EMC4: variants seen among roughly 807,000 people sequenced by gnomAD.
The protein encoded by EMC4 is cell proliferation-inducing gene 17 protein.
In EMC4, 9 loss-of-function variants were observed where a neutral mutation model predicts 24.2. That is an observed-to-expected ratio of 0.37 (90% CI 0.22 to 0.65). EMC4 has a LOEUF of 0.65. Among genes scored for constraint, EMC4 ranks in the 30% least tolerant of loss-of-function variants. EMC4 has a pLI of 0.59. For synonymous variants in EMC4, 86 were observed against 81.1 expected (o/e 1.06, Z -0.32); for missense variants, 169 against 234.6 (o/e 0.72, Z 1.83).
At chr15:34,228,682 G>GTTT in intron 4 of EMC4, 93 bp downstream of exon 4, 1 of 567,588 alleles carries the variant, frequency 1.8e-6, no homozygotes, top group Non-Finnish European at 2.8e-6. Flanking sequence ...TGGTATTTGA[G>GTTT]TTTCTTTTTT....
In EMC4 at chr15:34,229,817, G is replaced by GTATT; in HGVS notation, c.*31_*34dup. On this transcript the variant is annotated 3_prime_UTR_variant, in exon 5 of 5. Transcript: ENST00000267750. Reference sequence around the variant, plus strand: ...TGAGAAAGCAGCGCCTGGTCCCTATGTATTTGGGTCTTATTTACATCCTTC... The same window carrying GTATT: ...TGAGAAAGCAGCGCCTGGTCCCTATGTATTTATTTGGGTCTTATTTACATCCTTC... 2 of 1,610,382 alleles carry GTATT rather than the reference G, an allele frequency of 1.2e-6. No individual in the cohort carries two copies. Among genetic ancestry groups the GTATT allele is most frequent in the Non-Finnish European group, 1.7e-6 (2 of 1,176,610 alleles).
At chr15:34,228,383 G>A in intron 3 of EMC4, 46 bp from the exon 4 acceptor site, 1 of 1,598,974 alleles carries the variant, frequency 6.3e-7, no homozygotes, top group Non-Finnish European at 8.5e-7. Context: ...GATTCGTATT[G>A]GGGGAAAGAG....
Position 34,226,899 on chromosome 15 carries a change from A to G in EMC4, c.202-794A>G, listed in dbSNP as rs956467582. The G allele has an allele frequency of 5.3e-5, 8 of 152,188 alleles. No homozygotes were observed. In the East Asian group the frequency reaches 1.5e-3, roughly 29 times the overall value. The allele number at this position is 152,188 out of a possible 1,614,324, so 9.4% of individuals were successfully genotyped here. A position where few individuals can be genotyped will look rare whatever the true frequency, so the allele number is the denominator to read the frequency against. On this transcript the variant is annotated intron_variant, in intron 2 of 4. Transcript: ENST00000267750. Reference sequence around the variant, plus strand: ...GCAGTTACTTTTGCAGCAACCTGGTAGTATGTATTTAAGGTTATAAATTTC... The same window carrying G: ...GCAGTTACTTTTGCAGCAACCTGGTGGTATGTATTTAAGGTTATAAATTTC...
chr15:34,228,842 G>A lies in EMC4; in HGVS notation c.516+253G>A, dbSNP rs1566790860. On this transcript the variant is annotated intron_variant, in intron 4 of 4. Coordinates refer to ENST00000267750, the MANE Select transcript of EMC4 (RefSeq NM_016454.4). ...TGGGATTACAGGCACCTGCCACCATGCCCAGCTAATTTTTTTGTATCTTTT... is the reference window on the plus strand; with the variant it reads ...TGGGATTACAGGCACCTGCCACCATACCCAGCTAATTTTTTTGTATCTTTT... 9 of 283,064 alleles carry A rather than the reference G, an allele frequency of 3.2e-5. No homozygotes were observed. In the Admixed American group the frequency reaches 3.5e-4, roughly 11 times the overall value. 17.5% of individuals were successfully genotyped at this position (283,064 alleles called of 1,614,324 possible).
intron 3 of EMC4, chr15:34,228,095 A>G (rs1459403287): frequency 2.2e-6 from 1 of 454,496 alleles, no homozygotes; most frequent in East Asian, 4.0e-5. Context: ...AGACAGGAGA[A>G]TCACTTGAAC....
chr15:34,225,717 C>T (rs778289461), intron 2 of EMC4, 67 bp downstream of exon 2: 1 of 1,236,074 alleles, frequency 8.1e-7, no homozygotes, highest in African/African-American at 1.5e-5. Context: ...TCCTCTTCTC[C>T]TAGGTGGAGT....
chr15:34,225,518 C>T lies in EMC4; in HGVS notation c.87-18C>T, dbSNP rs973659834. On this transcript the variant is annotated intron_variant, in intron 1 of 4. Coordinates refer to ENST00000267750, the MANE Select transcript of EMC4 (RefSeq NM_016454.4). Reference sequence around the variant, plus strand: ...GTATCGGAGGTTGCAGCTTTAGTTTCTTGGTTTGGTTTTTTAGGGGTCGAA... The same window carrying T: ...GTATCGGAGGTTGCAGCTTTAGTTTTTTGGTTTGGTTTTTTAGGGGTCGAA... 2.6e-5 allele frequency: 42 copies of T among 1,593,072 alleles called. No individual in the cohort carries two copies. In the African/African-American group the frequency reaches 5.0e-4, roughly 19 times the overall value.
At chr15:34,228,256 ATGG>A in intron 3 of EMC4, 170 bp from the exon 4 acceptor site, 1 of 633,280 alleles carries the variant, frequency 1.6e-6, no homozygotes, top group Admixed American at 3.0e-5. Context: ...GAGTGGGGTA[ATGG>A]TGGTGGCATG....
Position 34,227,673 on chromosome 15 carries a change from A to G in EMC4, c.202-20A>G. ...CTAAGGGTAGTGATCAGAGGGTTAA[A>G]ATTGTGTGTTTTGTTTTAGCGCTGC... On this transcript the variant is annotated intron_variant, in intron 2 of 4. Transcript: ENST00000267750. 6.2e-7 allele frequency: 1 copy of G among 1,610,402 alleles called. No homozygotes were observed. The highest frequency in any genetic ancestry group is 1.1e-5 in the South Asian group (1 of 90,966).
intron 1 of EMC4, 105 bp from the exon 2 acceptor site, chr15:34,225,431 A>C (rs898191516): frequency 8.6e-6 from 8 of 933,302 alleles, no homozygotes; most frequent in Non-Finnish European, 1.4e-5. Flanking sequence ...GTCTAATCTG[A>C]GTAGGTGCAT....
intron 3 of EMC4, chr15:34,228,218 A>G: frequency 1.8e-6 from 1 of 560,840 alleles, no homozygotes; most frequent in Non-Finnish European, 3.1e-6. Context: ...ATTCTTAGGG[A>G]CAGTTTTTGG....
chr15:34,225,869 G>A, intron 2 of EMC4: 1 of 585,348 alleles, frequency 1.7e-6, no homozygotes, highest in Non-Finnish European at 3.2e-6. Flanking sequence ...AAGAAAGTAG[G>A]TTGAAAACTA....
At position 34,228,574 on chromosome 15, in the gene EMC4, C is replaced by T. The variant is rs769046421; in HGVS notation, c.501C>T (p.Phe167=). Residue 167 remains phenylalanine, a synonymous_variant, in exon 4 of 5, where the codon TTC becomes TTT. Transcript: ENST00000267750. ...LPTHASDWLA[F]IEPPERMEFS... is the part of the protein sequence containing the mutation. ...CACATGCATCGGATTGGTTAGCCTT[C>T]ATTGAGCCCCCTGAGGTAAGGCAAA... 6.2e-7 allele frequency: 1 copy of T among 1,611,950 alleles called. No individual in the cohort carries two copies. The highest frequency in any genetic ancestry group is 1.7e-5 in the Admixed American group (1 of 59,728).
At chr15:34,225,823 A>C in intron 2 of EMC4, 173 bp downstream of exon 2, 1 of 676,350 alleles carries the variant, frequency 1.5e-6, no homozygotes. Flanking sequence ...GTGCTTAATA[A>C]TTTGAAAAAT....
chr15:34,228,737 G>A, intron 4 of EMC4, 148 bp downstream of exon 4: 1 of 676,186 alleles, frequency 1.5e-6, no homozygotes, highest in East Asian at 3.1e-5. Flanking sequence ...TGTCGCCCAG[G>A]CTGGAGTGCA....
chr15:34,225,690 C>T, intron 2 of EMC4, 40 bp downstream of exon 2: 1 of 1,459,188 alleles, frequency 6.9e-7, no homozygotes, highest in Non-Finnish European at 9.6e-7. Context: ...ATGGGCCAGT[C>T]CTGAGTTACA....
In EMC4 at chr15:34,225,580, C is replaced by A. The variant is rs1217016357; in HGVS notation, c.131C>A (p.Pro44Gln). ...RGSGQGDSLY[P>Q]VGYLDKQVPD... ...AGTGGCCAGGGAGACTCGCTCTACC[C>A]AGTCGGTTACTTGGACAAGCAAGTG... is the stretch of plus-strand genomic sequence containing the variant. Residue 44 changes from proline (P) to glutamine (Q), a missense_variant, in exon 2 of 5, where the codon CCA becomes CAA. Coordinates refer to ENST00000267750, the MANE Select transcript of EMC4 (RefSeq NM_016454.4). 6.2e-7 allele frequency: 1 copy of A among 1,614,018 alleles called. No individual in the cohort carries two copies. Among genetic ancestry groups the A allele is most frequent in the Non-Finnish European group, 8.5e-7 (1 of 1,180,042 alleles).
Position 34,225,582 on chromosome 15 carries a change from G to A in EMC4, c.133G>A (p.Val45Ile), listed in dbSNP as rs1277323721. The A allele has an allele frequency of 6.2e-7, 1 of 1,614,072 alleles. No homozygotes were observed. Among genetic ancestry groups the A allele is most frequent in the Non-Finnish European group, 8.5e-7 (1 of 1,180,036 alleles). Residue 45 changes from valine to isoleucine, a missense_variant, in exon 2 of 5, where the codon GTC becomes ATC. Physicochemically the swap from Val to Ile is conservative, Grantham distance 29. Coordinates refer to ENST00000267750, the MANE Select transcript of EMC4 (RefSeq NM_016454.4). ...GSGQGDSLYP[V>I]GYLDKQVPDT... ...TGGCCAGGGAGACTCGCTCTACCCAGTCGGTTACTTGGACAAGCAAGTGCC... is the reference window on the plus strand; with the variant it reads ...TGGCCAGGGAGACTCGCTCTACCCAATCGGTTACTTGGACAAGCAAGTGCC...
rs746057567 is a variant in EMC4 at position 34,225,550 on chromosome 15, G to A, written c.101G>A (p.Arg34Gln). Residue 34 changes from arginine to glutamine, a missense_variant, in exon 2 of 5, where the codon CGG becomes CAG. Arg to Gln is a conservative substitution (Grantham distance 43). Coordinates refer to ENST00000267750, the MANE Select transcript of EMC4 (RefSeq NM_016454.4). ...PGGGSRGRSD[R>Q]GSGQGDSLYP... is the part of the protein sequence containing the mutation. ...TGGTTTTTTAGGGGTCGAAGTGACCGGGGCAGTGGCCAGGGAGACTCGCTC... is the reference window on the plus strand; with the variant it reads ...TGGTTTTTTAGGGGTCGAAGTGACCAGGGCAGTGGCCAGGGAGACTCGCTC... The A allele has an allele frequency of 6.2e-7, 1 of 1,613,982 alleles. No individual in the cohort carries two copies.
Sources: gnomAD v4.1 joint callset for allele counts on GRCh38, gnomAD v4.1.1 for gene constraint, MANE v1.5 for transcripts, NCBI Gene and HGNC (gene_info 2026-07-23, HGNC 2026-07-21) for gene names.